The following GSTK1 variants were observed in gnomAD, a reference collection of about 807,000 sequenced individuals.
GSTK1 encodes GST class-kappa.
A neutral mutation model predicts 30.9 loss-of-function variants in GSTK1; 25 were observed. The observed-to-expected ratio is 0.81, with a 90% confidence interval of 0.59 to 1.13. The LOEUF (loss-of-function observed/expected upper bound fraction) is 1.13. GSTK1 is among the 50% of genes most tolerant of loss of function. The pLI, the probability that GSTK1 is intolerant of heterozygous loss-of-function variation, is 0.00. For synonymous variants in GSTK1, 108 were observed against 112.5 expected (o/e 0.96, Z 0.25); for missense variants, 292 against 292.4 (o/e 1.00, Z 0.01).
At position 143,265,296 on chromosome 7, in the gene GSTK1, G is replaced by A. The variant is rs780493614; in HGVS notation, c.420G>A (p.Ala140=). Residue 140 remains alanine, a splice_region_variant and synonymous_variant, in exon 5 of 8, where the codon GCG becomes GCA. Coordinates refer to ENST00000358406, the MANE Select transcript of GSTK1 (RefSeq NM_015917.3). ...EDITEPQSIL[A]AAEKAGMSAE... ...TCACCGAGCCGCAGAGCATCCTGGC[G>A]GTGAGTGTCCTGGCTCCACCCCAAC... The A allele has an allele frequency of 3.1e-6, 5 of 1,598,476 alleles. No homozygotes were observed. The South Asian group carries it at 3.4e-5, about 11-fold the overall frequency.
rs1800964687 is a variant in GSTK1, at chr7:143,269,047, A to G, written c.*210A>G. ...GTGGCAACCTTTACTTCTATGCCTC[A>G]CAAGTGCCTTTCAGAGAGCCCCAAT... is the stretch of plus-strand genomic sequence containing the variant. On this transcript the variant is annotated 3_prime_UTR_variant, in exon 8 of 8. Transcript: ENST00000358406. 1.2e-5 allele frequency: 7 copies of G among 589,588 alleles called. No individual in the cohort carries two copies. In the South Asian group the frequency reaches 1.4e-4, roughly 12 times the overall value. 36.5% of individuals were successfully genotyped at this position (589,588 alleles called of 1,614,324 possible).
chr7:143,268,204 A>T lies in GSTK1; in HGVS notation c.631+20A>T. 2 of 1,600,884 alleles carry T rather than the reference A, an allele frequency of 1.2e-6. No homozygotes were observed. Among genetic ancestry groups the T allele is most frequent in the Non-Finnish European group, 1.7e-6 (2 of 1,169,848 alleles). Reference sequence around the variant, plus strand: ...TGCTGGGTAAGTAAGTTAAAGAATCAACCCTGAGCCAGGTGCAGTGGCTCA... The same window carrying T: ...TGCTGGGTAAGTAAGTTAAAGAATCTACCCTGAGCCAGGTGCAGTGGCTCA... On this transcript the variant is annotated intron_variant, in intron 7 of 7. Coordinates refer to ENST00000358406, the MANE Select transcript of GSTK1 (RefSeq NM_015917.3). The surrounding 1 kb of genome is among the most constrained non-coding windows in gnomAD (Gnocchi z 4.1).
intron 6 of GSTK1, 123 bp downstream of exon 6, chr7:143,267,856 CT>C (rs1327608640): frequency 6.8e-6 from 5 of 738,002 alleles, no homozygotes; most frequent in Admixed American, 2.2e-5. Flanking sequence ...CCTCAGTGCT[CT>C]TAAACAACCC....
At chr7:143,267,349 G>C (rs1800908669) in intron 5 of GSTK1, among the ~76,000 whole-genome samples, 1 of 152,108 alleles carries the variant, frequency 6.6e-6, no homozygotes, top group Non-Finnish European at 1.5e-5. Flanking sequence ...GAAATAAAGA[G>C]GTCTATCTAG....
chr7:143,264,219 A>AC lies in GSTK1; in HGVS notation c.154+56dup, dbSNP rs781270673. On this transcript the variant is annotated intron_variant, in intron 2 of 7. Coordinates refer to ENST00000358406, the MANE Select transcript of GSTK1 (RefSeq NM_015917.3). Reference sequence around the variant, plus strand: ...TGATCTCAGTGGCCCAAGAGAGCCGACCCCAGCGGGTCCTTATATTGGCAC... The same window carrying AC: ...TGATCTCAGTGGCCCAAGAGAGCCGACCCCCAGCGGGTCCTTATATTGGCAC... The AC allele has an allele frequency of 1.8e-5, 26 of 1,482,608 alleles. No homozygotes were observed. The East Asian group carries it at 2.3e-4, about 13-fold the overall frequency. 91.8% of individuals were successfully genotyped at this position (1,482,608 alleles called of 1,614,324 possible).
chr7:143,266,100 G>A (rs576897973), intron 5 of GSTK1, among the ~76,000 whole-genome samples: 16 of 136,080 alleles, frequency 1.2e-4, no homozygotes, highest in South Asian at 7.2e-4. Context: ...GTGTGACCTC[G>A]ACCCACTGTA....
intron 2 of GSTK1, 96 bp from the exon 3 acceptor site, chr7:143,264,452 A>G: frequency 7.9e-7 from 1 of 1,265,926 alleles, no homozygotes. Flanking sequence ...GAGAAAAAAA[A>G]GGAAGCTGCC....
chr7:143,264,226 C>G (rs112850425), intron 2 of GSTK1, 59 bp downstream of exon 2: 1 of 1,439,394 alleles, frequency 6.9e-7, no homozygotes, highest in African/African-American at 1.4e-5. Context: ...CCGACCCCAG[C>G]GGGTCCTTAT....
At position 143,264,843 on chromosome 7, in the gene GSTK1, G is replaced by A. The variant is rs532164286; in HGVS notation, c.284-149G>A. The A allele has an allele frequency of 2.8e-5, 35 of 1,264,282 alleles. No homozygotes were observed. The Middle Eastern group carries it at 8.7e-4, about 31-fold the overall frequency. The allele number at this position is 1,264,282 out of a possible 1,614,324, so 78.3% of individuals were successfully genotyped here. A position where few individuals can be genotyped will look rare whatever the true frequency, so the allele number is the denominator to read the frequency against. ...GCTGAAGGTTGCCGGGCATGAAAGGGAAGAAGAGCAGGCAAATAGGTCATG... is the reference window on the plus strand; with the variant it reads ...GCTGAAGGTTGCCGGGCATGAAAGGAAAGAAGAGCAGGCAAATAGGTCATG... On this transcript the variant is annotated intron_variant, in intron 3 of 7. Coordinates refer to ENST00000358406, the MANE Select transcript of GSTK1 (RefSeq NM_015917.3).
Position 143,268,658 on chromosome 7 carries a change from A to G in GSTK1, c.632-130A>G. On this transcript the variant is annotated intron_variant, in intron 7 of 7. Transcript: ENST00000358406. The surrounding 1 kb of genome is among the most constrained non-coding windows in gnomAD (Gnocchi z 4.1). Reference sequence around the variant, plus strand: ...GGGCTGTCTTCAACCCCATAAAAGAAAAGGAAGCCTTCTATACCTTGAAGC... The same window carrying G: ...GGGCTGTCTTCAACCCCATAAAAGAGAAGGAAGCCTTCTATACCTTGAAGC... 1.3e-6 allele frequency: 1 copy of G among 745,136 alleles called. No individual in the cohort carries two copies. Among genetic ancestry groups the G allele is most frequent in the Non-Finnish European group, 2.3e-6 (1 of 430,810 alleles). The allele number at this position is 745,136 out of a possible 1,614,324, so 46.2% of individuals were successfully genotyped here.
chr7:143,267,480 C>T (rs1018406109), intron 5 of GSTK1, 137 bp from the exon 6 acceptor site: 1 of 686,700 alleles, frequency 1.5e-6, no homozygotes. Context: ...TTGGCAAGGA[C>T]AGATCTCCAC....
Position 143,264,529 on chromosome 7 carries a change from C to A in GSTK1, c.155-19C>A. 2 of 1,613,794 alleles carry A rather than the reference C, an allele frequency of 1.2e-6. No homozygotes were observed. The highest frequency in any genetic ancestry group is 2.2e-5 in the East Asian group (1 of 44,870). ...CTTAGGTCTTTTCTCACTTAGCGTG[C>A]CCAACCTTCTCCTGGCAGGAAACAA... On this transcript the variant is annotated intron_variant, in intron 2 of 7. Coordinates refer to ENST00000358406, the MANE Select transcript of GSTK1 (RefSeq NM_015917.3).
chr7:143,263,559 T>TC lies in GSTK1; in HGVS notation c.51dup (p.Tyr18LeufsTer52). On this transcript the variant is annotated frameshift_variant, in exon 1 of 8. Coordinates refer to ENST00000358406, the MANE Select transcript of GSTK1 (RefSeq NM_015917.3). LOFTEE classifies it high-confidence loss of function. ...CGTGGAGCTCTTCTATGACGTGCTG[T>TC]CCCCCTACTCCTGGCTGGGCTTCGA... The TC allele has an allele frequency of 6.2e-7, 1 of 1,610,148 alleles. No homozygotes were observed. Among genetic ancestry groups the TC allele is most frequent in the African/African-American group, 1.3e-5 (1 of 75,006 alleles).
chr7:143,264,761 G>C, intron 3 of GSTK1, 85 bp downstream of exon 3: 1 of 1,553,046 alleles, frequency 6.4e-7, no homozygotes, highest in South Asian at 1.1e-5. Flanking sequence ...GAGGGGCTGC[G>C]GGAGACTAAA....
At chr7:143,267,457 G>T (rs1422747936) in intron 5 of GSTK1, among the ~76,000 whole-genome samples, 160 bp from the exon 6 acceptor site, 1 of 152,082 alleles carries the variant, frequency 6.6e-6, no homozygotes, top group Non-Finnish European at 1.5e-5. Context: ...TGGGATAAAG[G>T]AAATAGTTCC....
At position 143,264,655 on chromosome 7, in the gene GSTK1, T is replaced by C. The variant is rs760092871; in HGVS notation, c.262T>C (p.Leu88=). Residue 88 remains leucine, a synonymous_variant, in exon 3 of 8, where the codon TTG becomes CTG. Transcript: ENST00000358406. ...TCCCATCCACTTCCCCAAGGATTTC[T>C]TGTCTGTGATGCTTGAAAAAGGTGA... The part of the protein sequence containing the change: ...QIPIHFPKDF[L]SVMLEKGSLS... The C allele has an allele frequency of 7.6e-5, 123 of 1,614,018 alleles. No homozygotes were observed. Among genetic ancestry groups the C allele is most frequent in the Non-Finnish European group, 1.0e-4 (121 of 1,179,998 alleles).
intron 5 of GSTK1, among the ~76,000 whole-genome samples, chr7:143,266,023 C>CTT (rs11296238): frequency 0.031 from 2,145 of 69,346 alleles, 19 homozygotes; most frequent in East Asian, 0.035. Context: ...ATTTTCCATG[C>CTT]TTTTTTTTTT....
rs1800954262 is a variant in GSTK1, at chr7:143,268,754, A to G, written c.632-34A>G. ...ACTCCTGCTGCCAGAACACCTGAGAACAGTGTGCAGAGTCTGTTGTTTTCT... is the reference window on the plus strand; with the variant it reads ...ACTCCTGCTGCCAGAACACCTGAGAGCAGTGTGCAGAGTCTGTTGTTTTCT... On this transcript the variant is annotated intron_variant, in intron 7 of 7. Coordinates refer to ENST00000358406, the MANE Select transcript of GSTK1 (RefSeq NM_015917.3). The surrounding 1 kb of genome is among the most constrained non-coding windows in gnomAD (Gnocchi z 4.1). The G allele has an allele frequency of 1.7e-5, 27 of 1,604,898 alleles. No homozygotes were observed. The highest frequency in any genetic ancestry group is 2.3e-5 in the Non-Finnish European group (27 of 1,171,698).
Position 143,268,054 on chromosome 7 carries a change from T to C in GSTK1, c.538-37T>C. 2 of 1,523,766 alleles carry C rather than the reference T, an allele frequency of 1.3e-6. No homozygotes were observed. Among genetic ancestry groups the C allele is most frequent in the Non-Finnish European group, 1.8e-6 (2 of 1,104,292 alleles). The allele number at this position is 1,523,766 out of a possible 1,614,324, so 94.4% of individuals were successfully genotyped here. On this transcript the variant is annotated intron_variant, in intron 6 of 7. Coordinates refer to ENST00000358406, the MANE Select transcript of GSTK1 (RefSeq NM_015917.3). This position sits in a 1 kb window ranked among gnomAD's most constrained non-coding sequence, Gnocchi z 4.1. The stretch of plus-strand genomic sequence containing the variant: ...TCAACCCCTGCCTAATACCTGCTCC[T>C]TTGCCTTCCTCCTTGCATTGTAACT...
Sources: gnomAD v4.1 joint callset for allele counts (sites outside exome capture counted in the v4.1 genomes callset) on GRCh38, gnomAD v4.1.1 for gene constraint, Gnocchi (gnomAD v3.1) non-coding constraint, MANE v1.5 for transcripts, NCBI Gene and HGNC (gene_info 2026-07-23, HGNC 2026-07-21) for gene names.